RTN4RL1: variants seen among roughly 807,000 people sequenced by gnomAD.
RTN4RL1 encodes the protein reticulon-4 receptor-like 1.
Under a neutral mutation model 25.6 loss-of-function variants are expected in RTN4RL1, and 7 were observed. The observed-to-expected ratio is 0.27, with a 90% CI of 0.16 to 0.51. The LOEUF (loss-of-function observed/expected upper bound fraction) is 0.51, where lower values mean the gene tolerates loss of function less well. Ranked by LOEUF, RTN4RL1 falls within the 20% of genes least tolerant of loss-of-function variation. The pLI, the probability that RTN4RL1 is intolerant of heterozygous loss-of-function variation, is 0.97. For synonymous variants in RTN4RL1, 297 were observed against 288.2 expected (o/e 1.03, Z -0.31); for missense variants, 500 against 615.6 (o/e 0.81, Z 1.99).
chr17:1,960,192 C>A (rs1915868009), intron 1 of RTN4RL1, among the ~76,000 whole-genome samples: 1 of 147,948 alleles, frequency 6.8e-6, no homozygotes, highest in Non-Finnish European at 1.5e-5. Context: ...GCCCCCACCA[C>A]CCCCACCCTA....
At chr17:1,992,160 C>G (rs1051566032) in intron 1 of RTN4RL1, among the ~76,000 whole-genome samples, 2 of 151,854 alleles carry the variant, frequency 1.3e-5, no homozygotes, top group Non-Finnish European at 2.9e-5. Flanking sequence ...GTCAGGAGAA[C>G]GAGACCATCC....
intron 1 of RTN4RL1, among the ~76,000 whole-genome samples, chr17:1,975,437 G>C (rs1478572189): frequency 1.3e-5 from 2 of 152,106 alleles, no homozygotes; most frequent in Non-Finnish European, 2.9e-5. Flanking sequence ...GATCACTTGA[G>C]GTCAGGAGTT....
In RTN4RL1 at chr17:1,935,201, G is replaced by A. The variant is rs1033541116; in HGVS notation, c.*1295C>T. On this transcript the variant is annotated 3_prime_UTR_variant, in exon 2 of 2. Coordinates refer to ENST00000331238, the MANE Select transcript of RTN4RL1 (RefSeq NM_178568.4). ...TGACCAAACGCTAGGCTGACGACAC[G>A]GTCCGACCCTTTGGACTAACACTGT... The A allele has an allele frequency of 2.0e-5, 3 of 152,660 alleles. No individual in the cohort carries two copies. The highest frequency in any genetic ancestry group is 4.8e-5 in the African/African-American group (2 of 41,388). The allele number at this position is 152,660 out of a possible 1,614,324, so 9.5% of individuals were successfully genotyped here. A position where few individuals can be genotyped will look rare whatever the true frequency, so the allele number is the denominator to read the frequency against.
At chr17:2,016,367 C>T (rs1158431740) in intron 1 of RTN4RL1, among the ~76,000 whole-genome samples, 1 of 152,002 alleles carries the variant, frequency 6.6e-6, no homozygotes. Flanking sequence ...GGTGACACAG[C>T]AAGACTCCAT....
At chr17:1,943,368 G>A (rs1431112904) in intron 1 of RTN4RL1, among the ~76,000 whole-genome samples, 1 of 152,176 alleles carries the variant, frequency 6.6e-6, no homozygotes, top group African/African-American at 2.4e-5. Context: ...CCAGAGCCTC[G>A]AGCTGCTCAC....
At chr17:2,018,383 G>C (rs2067154427) in intron 1 of RTN4RL1, among the ~76,000 whole-genome samples, 1 of 152,228 alleles carries the variant, frequency 6.6e-6, no homozygotes, top group African/African-American at 2.4e-5. Context: ...TGAGGACTGT[G>C]TCTTCCAGAC....
At chr17:1,959,951 C>T (rs76513460) in intron 1 of RTN4RL1, among the ~76,000 whole-genome samples, 2,460 of 152,318 alleles carry the variant, frequency 0.016, 45 homozygotes, top group African/African-American at 0.039. Flanking sequence ...CCCGCCTGCC[C>T]GCCTGGCACT....
intron 1 of RTN4RL1, among the ~76,000 whole-genome samples, chr17:2,018,694 G>C (rs531880726): frequency 6.6e-6 from 1 of 152,148 alleles, no homozygotes. Flanking sequence ...TGCGCCGGCT[G>C]GGTGGCCCAG....
Position 1,937,171 on chromosome 17 carries a change from G to C in RTN4RL1, c.651C>G (p.Phe217Leu), listed in dbSNP as rs751851270. ...GGGTGGTCAGCCTGCGGAGGTCGTG[G>C]AACGCCTTGTGGTGGACCCACTGCA... is the stretch of plus-strand genomic sequence containing the variant. ...NQLQWVHHKA[F>L]HDLRRLTTLF... Residue 217 changes from phenylalanine (F) to leucine (L), a missense_variant, in exon 2 of 2, where the codon TTC becomes TTG. This residue lies in a region of RTN4RL1 where 232 missense variants were observed against 341.1 expected (regional missense o/e 0.68). Coordinates refer to ENST00000331238, the MANE Select transcript of RTN4RL1 (RefSeq NM_178568.4). The C allele has an allele frequency of 2.5e-6, 4 of 1,612,572 alleles. No individual in the cohort carries two copies. Among genetic ancestry groups the C allele is most frequent in the Non-Finnish European group, 2.5e-6 (3 of 1,179,630 alleles).
chr17:1,959,589 G>C (rs1915856150), intron 1 of RTN4RL1, among the ~76,000 whole-genome samples: 2 of 152,140 alleles, frequency 1.3e-5, no homozygotes, highest in African/African-American at 4.8e-5. Context: ...TTTTGAGGCA[G>C]AGTCTCACTG....
chr17:2,004,921 C>T (rs1431287264), intron 1 of RTN4RL1, among the ~76,000 whole-genome samples: 1 of 152,234 alleles, frequency 6.6e-6, no homozygotes, highest in Non-Finnish European at 1.5e-5. Context: ...GTTACCACCG[C>T]TGCTAGCAGT....
intron 1 of RTN4RL1, among the ~76,000 whole-genome samples, chr17:1,960,176 C>T (rs1915867310): frequency 6.6e-6 from 1 of 151,130 alleles, no homozygotes; most frequent in South Asian, 2.1e-4. Flanking sequence ...AAATTCACAT[C>T]ACCCCGCCCC....
chr17:2,001,457 AG>A (rs1430827417), intron 1 of RTN4RL1: 1 of 151,674 alleles, frequency 6.6e-6, no homozygotes, highest in Non-Finnish European at 1.5e-5. Flanking sequence ...CATGTTAGCC[AG>A]GATGGTCTCG....
intron 1 of RTN4RL1, among the ~76,000 whole-genome samples, chr17:1,952,151 C>T (rs1198587679): frequency 1.3e-5 from 2 of 152,152 alleles, no homozygotes; most frequent in African/African-American, 4.8e-5. Flanking sequence ...CTCCTGCTCA[C>T]ATTTCATTGG....
intron 1 of RTN4RL1, among the ~76,000 whole-genome samples, chr17:1,980,447 G>A (rs1328562362): frequency 2.0e-5 from 3 of 151,980 alleles, no homozygotes. Context: ...TTTCCATGGG[G>A]CTTTTTAAAA....
intron 1 of RTN4RL1, among the ~76,000 whole-genome samples, chr17:1,963,818 A>G (rs1027248755): frequency 1.3e-5 from 2 of 151,814 alleles, no homozygotes; most frequent in African/African-American, 4.8e-5. Context: ...CGCAACCTCC[A>G]CTTCACGGGT....
chr17:2,019,514 C>G (rs1391289996), intron 1 of RTN4RL1: 1 of 152,308 alleles, frequency 6.6e-6, no homozygotes, highest in Non-Finnish European at 1.5e-5. Flanking sequence ...ACAACTCCCC[C>G]TCTTTGATGC....
intron 1 of RTN4RL1, among the ~76,000 whole-genome samples, chr17:1,946,326 GGCAC>G (rs1345960943): frequency 6.6e-6 from 1 of 152,230 alleles, no homozygotes; most frequent in Middle Eastern, 3.2e-3. Context: ...GCAGGCACAA[GGCAC>G]GTGTCTTCTC....
chr17:1,955,709 G>A (rs1915777896), intron 1 of RTN4RL1, among the ~76,000 whole-genome samples: 1 of 151,804 alleles, frequency 6.6e-6, no homozygotes, highest in African/African-American at 2.4e-5. Flanking sequence ...TCAACCTCCT[G>A]AGTAGCTGGG....
Sources: allele counts gnomAD v4.1 joint callset (sites outside exome capture counted in the v4.1 genomes callset), GRCh38; gene constraint gnomAD v4.1.1; regional missense constraint gnomAD v4.1.1; transcripts MANE v1.5; gene names NCBI Gene and HGNC (gene_info 2026-07-23, HGNC 2026-07-21).